MEIKIN: variants seen among roughly 807,000 people sequenced by gnomAD.
MEIKIN encodes the protein meiosis-specific kinetochore protein.
At chr5:131,907,645 G>A (rs1254765267) in intron 8 of MEIKIN, among the ~76,000 whole-genome samples, 1 of 151,228 alleles carries the variant, frequency 6.6e-6, no homozygotes, top group Non-Finnish European at 1.5e-5. Context: ...AGGCCAAGGT[G>A]GGCGGATCAC....
In MEIKIN at chr5:131,856,942, T is replaced by A. The variant is rs188869693; in HGVS notation, c.775-2108A>T. ...TTCTACCTGCATTGCTTTCTTTTTTTTTTCTTTTTATTTATTTATTTATTT... is the reference window on the plus strand; with the variant it reads ...TTCTACCTGCATTGCTTTCTTTTTTATTTCTTTTTATTTATTTATTTATTT... On this transcript the variant is annotated intron_variant, in intron 9 of 12. Coordinates refer to ENST00000442687, the MANE Select transcript of MEIKIN (RefSeq NM_001303622.2). Among the ~76,000 whole-genome samples, 106 of 151,670 alleles carry A rather than the reference T, an allele frequency of 7.0e-4. 1 individual carries two copies. In the East Asian group the frequency reaches 0.016, roughly 23 times the overall value.
intron 8 of MEIKIN, among the ~76,000 whole-genome samples, chr5:131,894,755 C>T (rs1230904362): frequency 1.3e-5 from 2 of 152,106 alleles, no homozygotes; most frequent in African/African-American, 2.4e-5. Context: ...ATTTTGTATC[C>T]TGAGATTTTG....
chr5:131,924,769 TC>T (rs1751562268), intron 5 of MEIKIN, among the ~76,000 whole-genome samples: 1 of 152,210 alleles, frequency 6.6e-6, no homozygotes. Flanking sequence ...CATATTTCCT[TC>T]CATTTTGGTA....
At chr5:131,849,388 TC>T in intron 11 of MEIKIN, among the ~76,000 whole-genome samples, 1 of 144,096 alleles carries the variant, frequency 6.9e-6, no homozygotes, top group African/African-American at 2.5e-5. Flanking sequence ...TAAAGAAACC[TC>T]TTTTCTTTAT....
At chr5:131,836,752 T>TC (rs1561727452) in intron 11 of MEIKIN, among the ~76,000 whole-genome samples, 1 of 151,962 alleles carries the variant, frequency 6.6e-6, no homozygotes, top group Non-Finnish European at 1.5e-5. Flanking sequence ...TTTTTTTTTT[T>TC]CTTGTAAATC....
At chr5:131,866,687 C>T (rs975884774) in intron 9 of MEIKIN, among the ~76,000 whole-genome samples, 1 of 152,170 alleles carries the variant, frequency 6.6e-6, no homozygotes, top group South Asian at 2.1e-4. Flanking sequence ...CCTCTTCAGC[C>T]CCAGGAGGGA....
At chr5:131,853,505 A>C (rs924952649) in intron 10 of MEIKIN, among the ~76,000 whole-genome samples, 1 of 152,180 alleles carries the variant, frequency 6.6e-6, no homozygotes, top group Non-Finnish European at 1.5e-5. Context: ...GAAAAAGACA[A>C]ATTTTACTAT....
chr5:131,890,299 G>C (rs1750886757), intron 8 of MEIKIN, among the ~76,000 whole-genome samples: 1 of 152,142 alleles, frequency 6.6e-6, no homozygotes, highest in Non-Finnish European at 1.5e-5. Flanking sequence ...TTGTACCTCT[G>C]GTAGAATTCA....
At chr5:131,881,133 A>G (rs1750696680) in intron 8 of MEIKIN, among the ~76,000 whole-genome samples, 1 of 152,216 alleles carries the variant, frequency 6.6e-6, no homozygotes, top group South Asian at 2.1e-4. Context: ...AGCCTGAAAA[A>G]TGACAAAAAA....
chr5:131,813,036 A>C (rs1486765476), intron 12 of MEIKIN, among the ~76,000 whole-genome samples: 1 of 152,160 alleles, frequency 6.6e-6, no homozygotes, highest in Non-Finnish European at 1.5e-5. Flanking sequence ...TAATGGCAGC[A>C]CTCCATTATC....
intron 8 of MEIKIN, among the ~76,000 whole-genome samples, chr5:131,904,292 C>T (rs1580900070): frequency 6.6e-6 from 1 of 152,118 alleles, no homozygotes; most frequent in African/African-American, 2.4e-5. Context: ...ATATTCAGAG[C>T]CTTAACACAA....
intron 4 of MEIKIN, among the ~76,000 whole-genome samples, chr5:131,938,311 G>T (rs1751816284): frequency 6.6e-6 from 1 of 151,754 alleles, no homozygotes; most frequent in South Asian, 2.1e-4. Flanking sequence ...GAGATTAGAG[G>T]TGCACACCGC....
intron 8 of MEIKIN, among the ~76,000 whole-genome samples, chr5:131,896,529 G>T (rs1751055037): frequency 6.6e-6 from 1 of 152,118 alleles, no homozygotes; most frequent in Admixed American, 6.6e-5. Flanking sequence ...TCTCTTTGTA[G>T]GTCTCTAAGG....
chr5:131,841,073 T>A (rs1047915455), intron 11 of MEIKIN, among the ~76,000 whole-genome samples: 1 of 152,132 alleles, frequency 6.6e-6, no homozygotes, highest in Non-Finnish European at 1.5e-5. Context: ...ATAATGTGAG[T>A]TCAGTTGACT....
intron 8 of MEIKIN, among the ~76,000 whole-genome samples, chr5:131,886,294 T>G (rs1488150027): frequency 2.0e-5 from 3 of 152,020 alleles, no homozygotes; most frequent in Non-Finnish European, 2.9e-5. Flanking sequence ...GAGAAAGATA[T>G]CAATATCAAG....
chr5:131,911,067 G>A (rs1354702230), intron 8 of MEIKIN, among the ~76,000 whole-genome samples: 3 of 152,012 alleles, frequency 2.0e-5, no homozygotes, highest in African/African-American at 7.2e-5. Context: ...CAGGGTAGAA[G>A]GTATTGCTCC....
At chr5:131,813,978 C>A (rs547915800) in intron 12 of MEIKIN, among the ~76,000 whole-genome samples, 1 of 152,224 alleles carries the variant, frequency 6.6e-6, no homozygotes, top group South Asian at 2.1e-4. Flanking sequence ...TGTTAGAGGG[C>A]AGGAAGCATC....
At chr5:131,873,551 G>A (rs1750548049) in intron 9 of MEIKIN, among the ~76,000 whole-genome samples, 1 of 152,262 alleles carries the variant, frequency 6.6e-6, no homozygotes, top group Non-Finnish European at 1.5e-5. Flanking sequence ...ATAATAATGG[G>A]AGACTTTAAC....
chr5:131,914,571 A>AGAAGGGAAGGGAAGG (rs1222503670), intron 7 of MEIKIN, among the ~76,000 whole-genome samples: 2 of 69,614 alleles, frequency 2.9e-5, no homozygotes, highest in African/African-American at 1.2e-4. Flanking sequence ...AAGGGGGAAG[A>AGAAGGGAAGGGAAGG]GAAGGGAAGG....
Sources: allele counts gnomAD v4.1 joint callset (sites outside exome capture counted in the v4.1 genomes callset), GRCh38; gene constraint gnomAD v4.1.1; transcripts MANE v1.5; gene names NCBI Gene and HGNC (gene_info 2026-07-23, HGNC 2026-07-21).